The following SLC16A10 variants were observed in gnomAD, a reference collection of about 807,000 sequenced individuals.
SLC16A10 encodes the protein monocarboxylate transporter 10.
SLC16A10 carries 27 observed loss-of-function variants against 40.0 expected under a neutral mutation model. The ratio of observed to expected loss-of-function variants is 0.67; its 90% CI spans 0.50 to 0.93. The LOEUF (loss-of-function observed/expected upper bound fraction) is 0.93. Ranked by LOEUF, SLC16A10 falls within the 40% of genes least tolerant of loss-of-function variation. The pLI, the probability that SLC16A10 is intolerant of heterozygous loss-of-function variation, is 0.00. For synonymous variants in SLC16A10, 213 were observed against 249.8 expected, an observed-to-expected ratio of 0.85 and a Z score of 1.39; for missense variants, 529 against 658.2, an observed-to-expected ratio of 0.80 and a Z score of 2.15.
chr6:111,177,509 G>C lies in SLC16A10; in HGVS notation c.786G>C (p.Glu262Asp). 6.2e-7 allele frequency: 1 copy of C among 1,614,126 alleles called. No homozygotes were observed. The highest frequency in any genetic ancestry group is 8.5e-7 in the Non-Finnish European group (1 of 1,180,020). The change falls in exon 3 of 6, where the codon GAG becomes GAC. Residue 262 changes from glutamate to aspartate, a missense_variant. Physicochemically the swap from Glu to Asp is conservative, Grantham distance 45 (BLOSUM62 2). Coordinates refer to ENST00000368851, the MANE Select transcript of SLC16A10 (RefSeq NM_018593.5). The stretch of plus-strand genomic sequence containing the variant: ...TTGCTACCAGTACCAAAGATAAAGA[G>C]AGTGGAGGTAGCGGATCCTCCCTCT... The part of the protein sequence containing the change: ...RPLATSTKDK[E>D]SGGSGSSLFS...
chr6:111,198,302 A>G (rs1424063278), intron 3 of SLC16A10, among the ~76,000 whole-genome samples: 2 of 152,214 alleles, frequency 1.3e-5, no homozygotes, highest in African/African-American at 2.4e-5. Flanking sequence ...AGAGAAGCCT[A>G]TATTAAACTT....
chr6:111,201,209 T>G (rs1371690382), intron 3 of SLC16A10, among the ~76,000 whole-genome samples: 1 of 152,180 alleles, frequency 6.6e-6, no homozygotes, highest in African/African-American at 2.4e-5. Context: ...TCAAAATCAT[T>G]ATAAACGAAT....
At chr6:111,117,219 T>C (rs1771502350) in intron 1 of SLC16A10, among the ~76,000 whole-genome samples, 1 of 151,684 alleles carries the variant, frequency 6.6e-6, no homozygotes, top group African/African-American at 2.4e-5. Flanking sequence ...CAGCATGGTG[T>C]TGGGTGCCTG....
chr6:111,219,351 A>G (rs1371279880), intron 5 of SLC16A10, among the ~76,000 whole-genome samples: 1 of 151,892 alleles, frequency 6.6e-6, no homozygotes, highest in Non-Finnish European at 1.5e-5. Flanking sequence ...GTGAGACACT[A>G]TCTCTACAAA....
At chr6:111,161,697 T>C (rs1264023929) in intron 1 of SLC16A10, among the ~76,000 whole-genome samples, 1 of 152,128 alleles carries the variant, frequency 6.6e-6, no homozygotes, top group Admixed American at 6.5e-5. Flanking sequence ...TTAGAAGGCA[T>C]GTATCAAAAC....
chr6:111,132,731 T>A (rs1169806690), intron 1 of SLC16A10, among the ~76,000 whole-genome samples: 1 of 152,234 alleles, frequency 6.6e-6, no homozygotes, highest in Non-Finnish European at 1.5e-5. Flanking sequence ...ATTTAAATCT[T>A]AATTACCATA....
In SLC16A10 at chr6:111,206,677, G is replaced by A. The variant is rs754012515; in HGVS notation, c.1028G>A (p.Arg343Gln). 22 of 1,614,020 alleles carry A rather than the reference G, an allele frequency of 1.4e-5. No homozygotes were observed. The highest frequency in any genetic ancestry group is 1.1e-5 in the Non-Finnish European group (13 of 1,180,038). Residue 343 changes from arginine to glutamine, a missense_variant, in exon 4 of 6, where the codon CGA becomes CAA. Arg to Gln is a conservative substitution (Grantham distance 43). Coordinates refer to ENST00000368851, the MANE Select transcript of SLC16A10 (RefSeq NM_018593.5). ...ATTGGCGTCACTTCAGGAGTTGGAC[G>A]ACTGCTCTTTGGCCGGATTGCAGAT... ...MCIGVTSGVGRLLFGRIADYV... is the reference protein window; with the variant it reads ...MCIGVTSGVGQLLFGRIADYV...
intron 1 of SLC16A10, among the ~76,000 whole-genome samples, chr6:111,101,532 A>C (rs1583303114): frequency 1.3e-5 from 2 of 152,334 alleles, no homozygotes; most frequent in Admixed American, 1.3e-4. Context: ...GCTTCAGGTC[A>C]GTTCAGATCA....
intron 4 of SLC16A10, among the ~76,000 whole-genome samples, chr6:111,209,111 G>A (rs1773301236): frequency 6.6e-6 from 1 of 152,130 alleles, no homozygotes; most frequent in African/African-American, 2.4e-5. Flanking sequence ...GGAGGCTGAG[G>A]TGGGAGGACT....
intron 1 of SLC16A10, among the ~76,000 whole-genome samples, chr6:111,113,904 C>A (rs561602823): frequency 6.6e-6 from 1 of 152,102 alleles, no homozygotes; most frequent in African/African-American, 2.4e-5. Context: ...TCAGTGCCTG[C>A]GTGGCTGATA....
At chr6:111,121,727 C>T (rs1325050587) in intron 1 of SLC16A10, among the ~76,000 whole-genome samples, 1 of 152,184 alleles carries the variant, frequency 6.6e-6, no homozygotes, top group East Asian at 1.9e-4. Context: ...GAGAACCAGC[C>T]AGGGCCAGAT....
At position 111,201,093 on chromosome 6, in the gene SLC16A10, A is replaced by G. The variant is rs1161657097; in HGVS notation, c.943-5499A>G. ...CATACAGGTCCCCTCCCTCCCCTGA[A>G]GAGTTTATTCTCCTAGACATAAAAT... On this transcript the variant is annotated intron_variant, in intron 3 of 5. Transcript: ENST00000368851. Among the ~76,000 whole-genome samples the G allele has an allele frequency of 3.3e-5, 5 of 152,296 alleles. No homozygotes were observed. The South Asian group carries it at 8.3e-4, about 25-fold the overall frequency.
intron 1 of SLC16A10, among the ~76,000 whole-genome samples, chr6:111,094,084 A>G (rs535363774): frequency 1.3e-5 from 2 of 152,342 alleles, no homozygotes; most frequent in South Asian, 4.1e-4. Flanking sequence ...CCAATTAGCC[A>G]AAATGAAAAG....
intron 1 of SLC16A10, among the ~76,000 whole-genome samples, chr6:111,160,588 G>A (rs747218768): frequency 4.6e-5 from 7 of 152,244 alleles, no homozygotes; most frequent in Non-Finnish European, 8.8e-5. Flanking sequence ...CGCTCACTTG[G>A]TCCACCTGTG....
chr6:111,219,930 A>T (rs1416075749), intron 5 of SLC16A10, among the ~76,000 whole-genome samples: 1 of 152,124 alleles, frequency 6.6e-6, no homozygotes, highest in African/African-American at 2.4e-5. Context: ...AAATAAAAAA[A>T]ATTAGCCTGG....
In SLC16A10 at chr6:111,087,783, G is replaced by C. The variant is rs1562392245; in HGVS notation, c.31G>C (p.Ala11Pro). Residue 11 changes from alanine (A) to proline (P), a missense_variant, in exon 1 of 6, where the codon GCG becomes CCG. Ala to Pro is a conservative substitution (Grantham distance 27, BLOSUM62 -1). Coordinates refer to ENST00000368851, the MANE Select transcript of SLC16A10 (RefSeq NM_018593.5). MVLSQEEPDSARGTSEAQPLG... is the reference protein window; with the variant it reads MVLSQEEPDSPRGTSEAQPLG... ...GCTCTCCCAGGAGGAGCCGGACTCC[G>C]CGCGGGGCACGAGCGAGGCGCAGCC... 2 of 1,229,286 alleles carry C rather than the reference G, an allele frequency of 1.6e-6. No homozygotes were observed. The highest frequency in any genetic ancestry group is 2.0e-6 in the Non-Finnish European group (2 of 987,368). The allele number at this position is 1,229,286 out of a possible 1,614,324, so 76.1% of individuals were successfully genotyped here. A position where few individuals can be genotyped will look rare whatever the true frequency, so the allele number is the denominator to read the frequency against.
At chr6:111,192,633 C>A (rs1773014246) in intron 3 of SLC16A10, among the ~76,000 whole-genome samples, 1 of 152,116 alleles carries the variant, frequency 6.6e-6, no homozygotes, top group Non-Finnish European at 1.5e-5. Context: ...TAAAGACATA[C>A]CCGAAACTGG....
chr6:111,094,892 C>T (rs1771046709), intron 1 of SLC16A10, among the ~76,000 whole-genome samples: 1 of 152,220 alleles, frequency 6.6e-6, no homozygotes. Flanking sequence ...CCTCCTGCCT[C>T]AACTTCCCAA....
chr6:111,092,547 CT>C (rs1770999009), intron 1 of SLC16A10, among the ~76,000 whole-genome samples: 1 of 150,302 alleles, frequency 6.7e-6, no homozygotes, highest in Non-Finnish European at 1.5e-5. Flanking sequence ...AACTCCTGAC[CT>C]CGTGATCCAC....
Sources: allele counts gnomAD v4.1 joint callset (sites outside exome capture counted in the v4.1 genomes callset), GRCh38; gene constraint gnomAD v4.1.1; transcripts MANE v1.5; gene names NCBI Gene and HGNC (gene_info 2026-07-23, HGNC 2026-07-21).